Variants in TREM2 observed in about 807,000 individuals in gnomAD.
TREM2 encodes triggering receptor expressed on monocytes 2.
In TREM2, 20 loss-of-function variants were observed where a neutral mutation model predicts 22.9. The ratio of observed to expected loss-of-function variants is 0.87; its 90% CI spans 0.61 to 1.27. TREM2 has a LOEUF of 1.27. TREM2 is among the 50% of genes most tolerant of loss of function. The probability of loss-of-function intolerance (pLI) is 0.00; values close to 1 mark genes in which losing one functional copy is unlikely to be tolerated. For missense variants in TREM2, 267 were observed against 289.0 expected (o/e 0.92, Z 0.55); for synonymous variants, 111 against 120.9 (o/e 0.92, Z 0.54).
chr6:41,160,690 A>T (rs1157322295), intron 2 of TREM2, among the ~76,000 whole-genome samples: 2 of 152,166 alleles, frequency 1.3e-5, no homozygotes, highest in East Asian at 3.9e-4. Flanking sequence ...AAAAACTCAC[A>T]GGAACCCTAT....
rs199910080 is a variant in TREM2 at position 41,158,786 on chromosome 6, A to G, written c.677-6T>C. 415 of 1,614,206 alleles carry G rather than the reference A, an allele frequency of 2.6e-4. 3 individuals are homozygous for G. The South Asian group carries it at 3.5e-3, about 14-fold the overall frequency. ...CCTTCACGTGTCTCTCAGCCCTGCA[A>G]TAGTCCAAGGACTCATGTGGCCCCT... On this transcript the variant is annotated splice_region_variant and splice_polypyrimidine_tract_variant and intron_variant, in intron 4 of 4. Coordinates refer to ENST00000373113, the MANE Select transcript of TREM2 (RefSeq NM_018965.4).
chr6:41,158,517 A>T lies in TREM2; in HGVS notation c.*247T>A. The T allele has an allele frequency of 7.4e-7, 1 of 1,346,594 alleles. No individual in the cohort carries two copies. The highest frequency in any genetic ancestry group is 1.0e-6 in the Non-Finnish European group (1 of 992,968). The allele number at this position is 1,346,594 out of a possible 1,614,324, so 83.4% of individuals were successfully genotyped here. A position where few individuals can be genotyped will look rare whatever the true frequency, so the allele number is the denominator to read the frequency against. ...ATGATGCCCAAAACTATCCAGCTAA[A>T]TATGACAGTCTTGGATTTATTTGTA... On this transcript the variant is annotated 3_prime_UTR_variant, in exon 5 of 5. Coordinates refer to ENST00000373113, the MANE Select transcript of TREM2 (RefSeq NM_018965.4).
rs763760706 is a variant in TREM2, at chr6:41,158,745, T to C, written c.*19A>G. On this transcript the variant is annotated 3_prime_UTR_variant, in exon 5 of 5. Coordinates refer to ENST00000373113, the MANE Select transcript of TREM2 (RefSeq NM_018965.4). ...CCCTGGTGGGACTTCTCCTGGGCTT[T>C]TCCTCCCATCATCTTCCTTCACGTG... 6.2e-7 allele frequency: 1 copy of C among 1,614,096 alleles called. No homozygotes were observed. Among genetic ancestry groups the C allele is most frequent in the Non-Finnish European group, 8.5e-7 (1 of 1,180,044 alleles).
intron 1 of TREM2, among the ~76,000 whole-genome samples, chr6:41,162,511 A>G (rs1314760482): frequency 1.3e-5 from 2 of 152,286 alleles, no homozygotes; most frequent in Admixed American, 6.5e-5. Context: ...GTGTACAAAA[A>G]TTTGGTGTGT....
At chr6:41,160,873 A>G (rs1338933293) in intron 2 of TREM2, among the ~76,000 whole-genome samples, 1 of 152,204 alleles carries the variant, frequency 6.6e-6, no homozygotes, top group Non-Finnish European at 1.5e-5. Context: ...GTGAGGGAAT[A>G]AATTAATCTC....
chr6:41,158,997 G>A lies in TREM2; in HGVS notation c.552C>T (p.Leu184=). The A allele has an allele frequency of 1.2e-6, 2 of 1,614,226 alleles. No homozygotes were observed. The highest frequency in any genetic ancestry group is 1.3e-5 in the African/African-American group (1 of 75,068). ...GGGCGCTGGCTGCTAGAATCTTGAT[G>A]AGAAAGATGCAGGCCAGGAGGAGAA... ...SILLLLACIF[L]IKILAASALW... The change falls in exon 4 of 5, where the codon CTC becomes CTT. Residue 184 remains leucine (L), a synonymous_variant. Transcript: ENST00000373113.
intron 2 of TREM2, among the ~76,000 whole-genome samples, chr6:41,160,415 G>C (rs573570698): frequency 6.6e-6 from 1 of 152,208 alleles, no homozygotes; most frequent in South Asian, 2.1e-4. Context: ...ATGGTAAAGA[G>C]CCATACTGGG....
In TREM2 at chr6:41,161,343, T is replaced by A; in HGVS notation, c.311A>T (p.Asp104Val). Residue 104 changes from aspartate (D) to valine (V), a missense_variant, in exon 2 of 5, where the codon GAT (aspartate) becomes GTT (valine). Physicochemically the swap from Asp to Val is radical, Grantham distance 152. Transcript: ENST00000373113. The stretch of plus-strand genomic sequence containing the variant: ...GCTCTGGCACTGGTAGAGACCCGCA[T>A]CATGGGGTTGTAGATTCCGCAGCGT... Reference protein sequence around the residue: ...TITLRNLQPHDAGLYQCQSLH... With the variant: ...TITLRNLQPHVAGLYQCQSLH... 1 of 1,614,192 alleles carries A rather than the reference T, an allele frequency of 6.2e-7. No homozygotes were observed. Among genetic ancestry groups the A allele is most frequent in the Non-Finnish European group, 8.5e-7 (1 of 1,180,036 alleles).
rs386834143 is a variant in TREM2, at chr6:41,163,043, C to A, written c.40G>T (p.Glu14Ter). The A allele has an allele frequency of 6.2e-7, 1 of 1,614,150 alleles. No homozygotes were observed. Among genetic ancestry groups the A allele is most frequent in the Non-Finnish European group, 8.5e-7 (1 of 1,180,018 alleles). Residue 14 changes from glutamate to a stop codon, truncating the protein, a stop_gained and splice_region_variant, in exon 1 of 5, where the codon GAG (glutamate) becomes TAG (stop). Coordinates refer to ENST00000373113, the MANE Select transcript of TREM2 (RefSeq NM_018965.4). LOFTEE classifies it high-confidence loss of function. ...LRLLILLFVTELSGAHNTTVF... is the reference protein window; with the variant it reads ...LRLLILLFVT ...TCACAGGGCACGGAGGGGATCCTAC[C>A]TGTGACAAAGAGTAAGATGAGCAGC...
intron 3 of TREM2, 109 bp from the exon 4 acceptor site, chr6:41,159,175 A>C (rs1244480179): frequency 7.3e-7 from 1 of 1,363,676 alleles, no homozygotes; most frequent in Non-Finnish European, 1.0e-6. Context: ...AGCAAATCCC[A>C]CCCAGCACCA....
At position 41,158,951 on chromosome 6, in the gene TREM2, C is replaced by T; in HGVS notation, c.598G>A (p.Gly200Arg). The T allele has an allele frequency of 1.2e-6, 2 of 1,614,216 alleles. No individual in the cohort carries two copies. Among genetic ancestry groups the T allele is most frequent in the Non-Finnish European group, 1.7e-6 (2 of 1,180,038 alleles). ...GGTGGATGTGTCCCTGGCTTCTGTC[C>T]ATGCCAGGCTGCAGCCCAGAGGGCG... Reference protein sequence around the residue: ...ASALWAAAWHGQKPGTHPPSE... With the variant: ...ASALWAAAWHRQKPGTHPPSE... The change falls in exon 4 of 5, where the codon GGA becomes AGA. Residue 200 changes from glycine to arginine, a missense_variant. By Grantham distance (125) the Gly-to-Arg change is moderately radical. Transcript: ENST00000373113.
intron 2 of TREM2, among the ~76,000 whole-genome samples, chr6:41,160,972 TAG>T (rs1765547721): frequency 6.6e-6 from 1 of 152,202 alleles, no homozygotes; most frequent in African/African-American, 2.4e-5. Context: ...AAGGCCAGGC[TAG>T]TTCACAGAGT....
rs947127602 is a variant in TREM2 at position 41,161,519 on chromosome 6, C to G, written c.135G>C (p.Gly45=). ...SCPYDSMKHW[G]RRKAWCRQLG... ...GCTGGCGGCACCAGGCCTTGCGCCT[C>G]CCCCAGTGCTTCATGGAGTCATAGG... The change falls in exon 2 of 5, where the codon GGG becomes GGC. Residue 45 remains glycine, a synonymous_variant. Coordinates refer to ENST00000373113, the MANE Select transcript of TREM2 (RefSeq NM_018965.4). The G allele has an allele frequency of 1.9e-6, 3 of 1,614,048 alleles. No individual in the cohort carries two copies. Among genetic ancestry groups the G allele is most frequent in the Non-Finnish European group, 2.5e-6 (3 of 1,180,024 alleles).
At position 41,158,737 on chromosome 6, in the gene TREM2, C is replaced by T; in HGVS notation, c.*27G>A. On this transcript the variant is annotated 3_prime_UTR_variant, in exon 5 of 5. Transcript: ENST00000373113. ...GGGCTGGTCCCTGGTGGGACTTCTC[C>T]TGGGCTTTTCCTCCCATCATCTTCC... 1 of 1,614,198 alleles carries T rather than the reference C, an allele frequency of 6.2e-7. No homozygotes were observed. Among genetic ancestry groups the T allele is most frequent in the Non-Finnish European group, 8.5e-7 (1 of 1,180,040 alleles).
intron 3 of TREM2, among the ~76,000 whole-genome samples, chr6:41,159,507 G>T (rs1178844350): frequency 6.6e-6 from 1 of 152,202 alleles, no homozygotes. Flanking sequence ...GGGGATGTCT[G>T]GGGGCTGCCA....
intron 1 of TREM2, 107 bp downstream of exon 1, chr6:41,162,936 G>A (rs554924305): frequency 4.1e-6 from 6 of 1,468,158 alleles, no homozygotes; most frequent in Admixed American, 1.7e-5. Flanking sequence ...AGGCATGCGA[G>A]GACTGCCACC....
chr6:41,160,150 C>G (rs764050697), intron 2 of TREM2, among the ~76,000 whole-genome samples: 1 of 152,200 alleles, frequency 6.6e-6, no homozygotes, highest in Non-Finnish European at 1.5e-5. Flanking sequence ...TGCAATGCCC[C>G]CCTCCTTCCG....
rs1561879135 is a variant in TREM2, at chr6:41,161,611, GCT to G, written c.41_42del (p.Glu14AlafsTer25). 1 of 1,612,264 alleles carries G rather than the reference GCT, an allele frequency of 6.2e-7. No homozygotes were observed. The highest frequency in any genetic ancestry group is 8.5e-7 in the Non-Finnish European group (1 of 1,179,126). On this transcript the variant is annotated frameshift_variant and splice_region_variant, in exon 2 of 5. Transcript: ENST00000373113. LOFTEE classifies it high-confidence loss of function. ...LRLLILLFVT[E>X]LSGAHNTTVF... ...ACTGTGGTGTTGTGGGCTCCGGACA[GCT>G]CTGGGGAGGAGACATTCATTCACTC...
In TREM2 at chr6:41,161,380, T is replaced by G; in HGVS notation, c.274A>C (p.Thr92Pro). Residue 92 changes from threonine to proline, a missense_variant, in exon 2 of 5, where the codon ACT (threonine) becomes CCT (proline). Thr to Pro is a conservative substitution (Grantham distance 38). Coordinates refer to ENST00000373113, the MANE Select transcript of TREM2 (RefSeq NM_018965.4). The part of the protein sequence containing the change: ...TAITDDTLGG[T>P]LTITLRNLQP... ...AGATTCCGCAGCGTAATGGTGAGAG[T>G]GCCACCCAGGGTATCGTCTGTGATG... 6.2e-7 allele frequency: 1 copy of G among 1,614,150 alleles called. No individual in the cohort carries two copies. Among genetic ancestry groups the G allele is most frequent in the South Asian group, 1.1e-5 (1 of 91,088 alleles).
Sources: allele counts gnomAD v4.1 joint callset (sites outside exome capture counted in the v4.1 genomes callset), GRCh38; gene constraint gnomAD v4.1.1; transcripts MANE v1.5; gene names NCBI Gene and HGNC (gene_info 2026-07-23, HGNC 2026-07-21).